Variants in CEP112 observed in about 807,000 individuals in gnomAD.
The protein encoded by CEP112 is centrosomal protein 112.
CEP112 carries 127 observed loss-of-function variants against 153.0 expected under a neutral mutation model. The observed-to-expected ratio is 0.83, with a 90% CI of 0.72 to 0.96. The LOEUF (loss-of-function observed/expected upper bound fraction) is 0.96, where lower values mean the gene tolerates loss of function less well. CEP112 is among the 40% of genes least tolerant of loss of function. The pLI, the probability that CEP112 is intolerant of heterozygous loss-of-function variation, is 0.00. For missense variants in CEP112, 1,089 were observed against 1,101.2 expected (o/e 0.99, Z 0.16); for synonymous variants, 358 against 374.4 (o/e 0.96, Z 0.51).
chr17:66,120,975 C>A (rs1379735548), intron 6 of CEP112, among the ~76,000 whole-genome samples: 1 of 152,134 alleles, frequency 6.6e-6, no homozygotes, highest in Non-Finnish European at 1.5e-5. Context: ...TCTCTTGGTG[C>A]TTTCAAGATT....
At position 66,005,746 on chromosome 17, in the gene CEP112, A is replaced by G. The variant is rs1312829462; in HGVS notation, c.1680T>C (p.Leu560=). The G allele has an allele frequency of 2.5e-6, 4 of 1,608,920 alleles. No homozygotes were observed. The highest frequency in any genetic ancestry group is 3.4e-6 in the Non-Finnish European group (4 of 1,178,532). ...TTTGAGTATCTTCTTTTCCTTTATC[A>G]AGTTCACTCTGCAAGTCATGAGCCT... ...EKKAHDLQSE[L]DKGKEDTQKK... The change falls in exon 17 of 27, where the codon CTT becomes CTC. Residue 560 remains leucine, a synonymous_variant. Coordinates refer to ENST00000535342, the MANE Select transcript of CEP112 (RefSeq NM_001199165.4).
At chr17:66,086,458 C>T (rs1289739819) in intron 8 of CEP112, among the ~76,000 whole-genome samples, 7 of 136,186 alleles carry the variant, frequency 5.1e-5, no homozygotes, top group Non-Finnish European at 7.6e-5. Context: ...GGCTGGAGTG[C>T]AGTGGCGTGA....
intron 17 of CEP112, among the ~76,000 whole-genome samples, chr17:65,979,827 A>C (rs1206904741): frequency 6.6e-6 from 1 of 152,204 alleles, no homozygotes; most frequent in East Asian, 1.9e-4. Flanking sequence ...AAAATGAATG[A>C]GTACCCAATA....
At chr17:65,646,278 T>C (rs1218260614) in intron 24 of CEP112, among the ~76,000 whole-genome samples, 5 of 152,206 alleles carry the variant, frequency 3.3e-5, no homozygotes, top group Non-Finnish European at 7.3e-5. Context: ...TTATTCTTAG[T>C]TTTTGTGATT....
chr17:65,739,941 A>G (rs939458073), intron 23 of CEP112, among the ~76,000 whole-genome samples: 1 of 152,104 alleles, frequency 6.6e-6, no homozygotes, highest in African/African-American at 2.4e-5. Flanking sequence ...TTACCAAACA[A>G]TTTTTATTGC....
In CEP112 at chr17:65,729,707, A is replaced by G. The variant is rs2050386572; in HGVS notation, c.2607+13361T>C. Among the ~76,000 whole-genome samples, 3 of 152,160 alleles carry G rather than the reference A, an allele frequency of 2.0e-5. No individual in the cohort carries two copies. In the South Asian group the frequency reaches 6.2e-4, roughly 32 times the overall value. ...TTTGGACCATGCAATAATACAATTA[A>G]CCACCAGCCTGGGCAACATGGTGAA... On this transcript the variant is annotated intron_variant, in intron 23 of 26. Coordinates refer to ENST00000535342, the MANE Select transcript of CEP112 (RefSeq NM_001199165.4).
chr17:66,031,152 C>G (rs535376233), intron 12 of CEP112, among the ~76,000 whole-genome samples: 1 of 152,248 alleles, frequency 6.6e-6, no homozygotes, highest in South Asian at 2.1e-4. Flanking sequence ...CTTCATTATC[C>G]CTCTGCTTTA....
chr17:66,071,276 G>T (rs1271455714), intron 8 of CEP112, among the ~76,000 whole-genome samples: 2 of 151,814 alleles, frequency 1.3e-5, no homozygotes, highest in African/African-American at 4.8e-5. Context: ...TTAACCATTT[G>T]CTATGCAAAA....
chr17:65,877,125 G>A (rs2058858026), intron 20 of CEP112, among the ~76,000 whole-genome samples: 1 of 152,128 alleles, frequency 6.6e-6, no homozygotes, highest in Admixed American at 6.5e-5. Context: ...CCTGATTGCG[G>A]CCCAGCCCTC....
intron 17 of CEP112, among the ~76,000 whole-genome samples, chr17:65,969,044 A>C (rs1212298560): frequency 1.3e-5 from 2 of 151,512 alleles, no homozygotes; most frequent in Non-Finnish European, 2.9e-5. Context: ...AAAATGATTA[A>C]GACATTATAT....
At chr17:65,943,857 T>C (rs2061572706) in intron 18 of CEP112, among the ~76,000 whole-genome samples, 1 of 152,194 alleles carries the variant, frequency 6.6e-6, no homozygotes, top group Non-Finnish European at 1.5e-5. Context: ...CAATCAGTCA[T>C]AGGTTTGGTC....
Position 65,655,332 on chromosome 17 carries a change from A to G in CEP112, c.2698-14267T>C, listed in dbSNP as rs1303823199. The G allele has an allele frequency of 1.9e-6, 3 of 1,567,900 alleles. No individual in the cohort carries two copies. In the African/African-American group the frequency reaches 4.1e-5, roughly 21 times the overall value. On this transcript the variant is annotated intron_variant, in intron 24 of 26. Coordinates refer to ENST00000535342, the MANE Select transcript of CEP112 (RefSeq NM_001199165.4). Reference sequence around the variant, plus strand: ...CACTACAGCTGGATTTCTCGATGAAAATCTTGCCAAATTACCACCACCTAA... The same window carrying G: ...CACTACAGCTGGATTTCTCGATGAAGATCTTGCCAAATTACCACCACCTAA...
intron 17 of CEP112, among the ~76,000 whole-genome samples, chr17:65,969,185 G>A (rs1379643733): frequency 2.7e-5 from 4 of 150,922 alleles, no homozygotes; most frequent in Admixed American, 6.6e-5. Context: ...GGGTTCAAGT[G>A]ATTCTCTTGC....
intron 20 of CEP112, among the ~76,000 whole-genome samples, chr17:65,866,186 G>A (rs2058479293): frequency 6.6e-6 from 1 of 152,202 alleles, no homozygotes; most frequent in Non-Finnish European, 1.5e-5. Flanking sequence ...CCCACTGCCT[G>A]GCCTCTCCCT....
intron 21 of CEP112, among the ~76,000 whole-genome samples, chr17:65,780,452 T>C (rs2053934826): frequency 6.6e-6 from 1 of 152,100 alleles, no homozygotes; most frequent in African/African-American, 2.4e-5. Context: ...AACCTTTACT[T>C]TGCTCTAGGG....
intron 24 of CEP112, among the ~76,000 whole-genome samples, chr17:65,669,695 A>C (rs1486542285): frequency 6.6e-6 from 1 of 152,138 alleles, no homozygotes; most frequent in Non-Finnish European, 1.5e-5. Context: ...CGAGGTCAGG[A>C]GATCGAGACC....
chr17:65,822,883 T>A (rs2056657156), intron 21 of CEP112, among the ~76,000 whole-genome samples: 1 of 152,116 alleles, frequency 6.6e-6, no homozygotes, highest in Non-Finnish European at 1.5e-5. Flanking sequence ...AATTAATAAA[T>A]GAGTTTAGAA....
intron 24 of CEP112, among the ~76,000 whole-genome samples, chr17:65,669,438 C>T (rs17693745): frequency 0.34 from 51,987 of 151,892 alleles, 9,099 homozygotes; most frequent in Middle Eastern, 0.51. Flanking sequence ...TTGAGAATCA[C>T]CACAATAAAT....
chr17:66,161,397 G>C (rs1394678720), intron 4 of CEP112, among the ~76,000 whole-genome samples: 1 of 152,050 alleles, frequency 6.6e-6, no homozygotes, highest in Non-Finnish European at 1.5e-5. Context: ...GTTTATTTCT[G>C]CACTGTTCAC....
Sources: allele counts gnomAD v4.1 joint callset (sites outside exome capture counted in the v4.1 genomes callset), GRCh38; gene constraint gnomAD v4.1.1; transcripts MANE v1.5; gene names NCBI Gene and HGNC (gene_info 2026-07-23, HGNC 2026-07-21).